The following FAM174A variants were observed in gnomAD, a reference collection of about 807,000 sequenced individuals.
The protein encoded by FAM174A is membrane protein FAM174A.
FAM174A carries 14 observed loss-of-function variants against 14.3 expected under a neutral mutation model. That is an observed-to-expected ratio of 0.98 (90% CI 0.65 to 1.53). The LOEUF (loss-of-function observed/expected upper bound fraction) is 1.53. FAM174A is among the 40% of genes most tolerant of loss of function. The pLI is 0.00. For missense variants in FAM174A, 241 were observed against 249.6 expected, an observed-to-expected ratio of 0.97 and a Z score of 0.23; for synonymous variants, 108 against 111.4, an observed-to-expected ratio of 0.97 and a Z score of 0.19.
At chr5:100,553,481 C>T (rs1176365156) in intron 1 of FAM174A, among the ~76,000 whole-genome samples, 1 of 151,972 alleles carries the variant, frequency 6.6e-6, no homozygotes, top group Non-Finnish European at 1.5e-5. Context: ...TTATCACTGC[C>T]TATAACTTTG....
At chr5:100,567,711 T>A (rs1746693527) in intron 2 of FAM174A, among the ~76,000 whole-genome samples, 1 of 122,696 alleles carries the variant, frequency 8.2e-6, no homozygotes, top group Non-Finnish European at 1.9e-5. Context: ...TGTATTTATC[T>A]GATGTTCTGA....
intron 1 of FAM174A, among the ~76,000 whole-genome samples, chr5:100,552,627 G>A (rs1219096648): frequency 2.0e-5 from 3 of 151,976 alleles, no homozygotes; most frequent in Non-Finnish European, 4.4e-5. Flanking sequence ...TTATTCTGTT[G>A]TGTTTATTTT....
At chr5:100,562,018 A>T (rs1211159311) in intron 1 of FAM174A, 36 bp from the exon 2 acceptor site, 4 of 1,213,650 alleles carry the variant, frequency 3.3e-6, no homozygotes, top group Non-Finnish European at 4.6e-6. Flanking sequence ...TGCCATATTA[A>T]ATAATTTTTA....
At chr5:100,571,661 A>AGT (rs1408877377) in intron 2 of FAM174A, among the ~76,000 whole-genome samples, 1,625 of 120,592 alleles carry the variant, frequency 0.013, 35 homozygotes, top group African/African-American at 0.047. Context: ...TATATACCTA[A>AGT]GTGTGTGTGT....
chr5:100,562,236 GCCAAGTAA>G lies in FAM174A; in HGVS notation c.569+49_569+56del, dbSNP rs1746539894. 3 of 1,523,394 alleles carry G rather than the reference GCCAAGTAA, an allele frequency of 2.0e-6. No homozygotes were observed. The African/African-American group carries it at 4.3e-5, about 22-fold the overall frequency. The allele number at this position is 1,523,394 out of a possible 1,614,324, so 94.4% of individuals were successfully genotyped here. On this transcript the variant is annotated intron_variant, in intron 2 of 2. Coordinates refer to ENST00000312637, the MANE Select transcript of FAM174A (RefSeq NM_198507.3). ...TCCATGAATCAGGAAGCAAGTCCTTGCCAAGTAAACTGAAGAAGTAAAGTAGACTTTCA... is the reference window on the plus strand; with the variant it reads ...TCCATGAATCAGGAAGCAAGTCCTTGACTGAAGAAGTAAAGTAGACTTTCA...
At chr5:100,555,129 C>T (rs1435822609) in intron 1 of FAM174A, among the ~76,000 whole-genome samples, 1 of 150,866 alleles carries the variant, frequency 6.6e-6, no homozygotes, top group African/African-American at 2.4e-5. Context: ...CTTCCTGTGT[C>T]CATGTGTTCT....
intron 2 of FAM174A, among the ~76,000 whole-genome samples, chr5:100,570,000 A>G (rs1299905879): frequency 6.6e-6 from 1 of 151,956 alleles, no homozygotes. Flanking sequence ...ATTTCAGGGC[A>G]TAAAGAAGCA....
intron 2 of FAM174A, among the ~76,000 whole-genome samples, chr5:100,567,287 A>G (rs1746674462): frequency 6.6e-6 from 1 of 151,602 alleles, no homozygotes; most frequent in African/African-American, 2.4e-5. Flanking sequence ...TAATTTATCT[A>G]ACAAATGAAT....
At chr5:100,549,038 G>A (rs1390097549) in intron 1 of FAM174A, among the ~76,000 whole-genome samples, 1 of 151,910 alleles carries the variant, frequency 6.6e-6, no homozygotes, top group Non-Finnish European at 1.5e-5. Context: ...ATACGTATAT[G>A]TATCTATGTA....
intron 1 of FAM174A, among the ~76,000 whole-genome samples, chr5:100,542,520 A>G (rs145811994): frequency 1.2e-3 from 183 of 152,192 alleles, no homozygotes; most frequent in Non-Finnish European, 1.6e-3. Flanking sequence ...ACATCACTAG[A>G]TTATTGTGCT....
At chr5:100,565,768 C>T (rs965646105) in intron 2 of FAM174A, among the ~76,000 whole-genome samples, 2 of 151,642 alleles carry the variant, frequency 1.3e-5, no homozygotes, top group African/African-American at 4.8e-5. Context: ...AGTCCGTTTT[C>T]ATACTGCTTG....
chr5:100,562,353 C>T (rs1378267018), intron 2 of FAM174A, among the ~76,000 whole-genome samples, 165 bp downstream of exon 2: 4 of 151,930 alleles, frequency 2.6e-5, no homozygotes, highest in South Asian at 4.1e-4. Flanking sequence ...CTCACATTCA[C>T]GTTGTTTTGC....
intron 2 of FAM174A, among the ~76,000 whole-genome samples, chr5:100,578,207 C>A (rs897294962): frequency 2.0e-5 from 3 of 152,060 alleles, no homozygotes; most frequent in Admixed American, 6.6e-5. Context: ...CCCTCCAGAA[C>A]TGAGAAGTAT....
chr5:100,561,540 G>A (rs1415813212), intron 1 of FAM174A, among the ~76,000 whole-genome samples: 2 of 151,914 alleles, frequency 1.3e-5, no homozygotes, highest in African/African-American at 4.8e-5. Context: ...TTTTGATTCA[G>A]TTATGTCCTA....
At chr5:100,539,385 T>G (rs26032) in intron 1 of FAM174A, among the ~76,000 whole-genome samples, 86,724 of 151,956 alleles carry the variant, frequency 0.57, 27,224 homozygotes, top group African/African-American at 0.82. Context: ...TTAATACATA[T>G]TATATAGGAA....
chr5:100,543,653 A>G (rs1469052589), intron 1 of FAM174A, among the ~76,000 whole-genome samples: 1 of 150,938 alleles, frequency 6.6e-6, no homozygotes, highest in African/African-American at 2.4e-5. Context: ...GGAGTGGCAC[A>G]GTCTTAGCTC....
At chr5:100,580,021 A>C (rs1427791748) in intron 2 of FAM174A, among the ~76,000 whole-genome samples, 3 of 152,200 alleles carry the variant, frequency 2.0e-5, no homozygotes, top group Admixed American at 1.3e-4. Flanking sequence ...TCTACACACA[A>C]AAAAATTCGC....
chr5:100,562,233 C>T, intron 2 of FAM174A, 45 bp downstream of exon 2: 1 of 1,526,670 alleles, frequency 6.6e-7, no homozygotes, highest in Non-Finnish European at 8.8e-7. Context: ...GAAGCAAGTC[C>T]TTGCCAAGTA....
At chr5:100,557,108 A>T (rs1746406402) in intron 1 of FAM174A, among the ~76,000 whole-genome samples, 1 of 152,304 alleles carries the variant, frequency 6.6e-6, no homozygotes, top group Non-Finnish European at 1.5e-5. Flanking sequence ...TTATTTTGAG[A>T]AACGTCCCAT....
Sources: allele counts gnomAD v4.1 joint callset (sites outside exome capture counted in the v4.1 genomes callset), GRCh38; gene constraint gnomAD v4.1.1; transcripts MANE v1.5; gene names NCBI Gene and HGNC (gene_info 2026-07-23, HGNC 2026-07-21).